The following MEI4 variants were observed in gnomAD, a reference collection of about 807,000 sequenced individuals.
The protein encoded by MEI4 is meiotic double-stranded break formation protein 4.
Under a neutral mutation model 31.4 loss-of-function variants are expected in MEI4, and 27 were observed. That is an observed-to-expected ratio of 0.86 (90% CI 0.63 to 1.19). The LOEUF (loss-of-function observed/expected upper bound fraction) is 1.19. Among genes scored for constraint, MEI4 ranks in the 50% most tolerant of loss-of-function variants. The pLI is 0.00. For synonymous variants in MEI4, 122 were observed against 145.4 expected, an observed-to-expected ratio of 0.84 and a Z score of 1.16; for missense variants, 329 against 398.9, an observed-to-expected ratio of 0.82 and a Z score of 1.49.
chr6:77,726,476 G>A (rs926118467), intron 2 of MEI4, among the ~76,000 whole-genome samples: 2 of 152,164 alleles, frequency 1.3e-5, no homozygotes, highest in Non-Finnish European at 1.5e-5. Context: ...AGAAGAGACA[G>A]CATGTGAACA....
At chr6:77,881,600 T>G (rs1771491701) in intron 4 of MEI4, among the ~76,000 whole-genome samples, 2 of 152,118 alleles carry the variant, frequency 1.3e-5, no homozygotes, top group Non-Finnish European at 1.5e-5. Flanking sequence ...AACACAGGGG[T>G]AGATCTATTT....
intron 4 of MEI4, among the ~76,000 whole-genome samples, chr6:77,899,697 G>A (rs1382317250): frequency 6.6e-6 from 1 of 152,210 alleles, no homozygotes; most frequent in East Asian, 1.9e-4. Context: ...AAGAGTATCA[G>A]CCATCACTTC....
intron 2 of MEI4, among the ~76,000 whole-genome samples, chr6:77,698,462 G>A (rs1486236300): frequency 3.9e-5 from 6 of 152,088 alleles, no homozygotes; most frequent in African/African-American, 1.2e-4. Flanking sequence ...GGGCAGGCCT[G>A]GTGGTGACAA....
At chr6:77,774,567 G>A (rs910107720) in intron 3 of MEI4, among the ~76,000 whole-genome samples, 3 of 151,996 alleles carry the variant, frequency 2.0e-5, no homozygotes, top group Admixed American at 2.0e-4. Flanking sequence ...AATGCAGGAA[G>A]TAGCTTTTAA....
intron 2 of MEI4, among the ~76,000 whole-genome samples, chr6:77,709,484 A>G (rs1430496124): frequency 1.3e-5 from 2 of 152,220 alleles, no homozygotes; most frequent in Non-Finnish European, 2.9e-5. Flanking sequence ...TATGTAAATT[A>G]TAATACATGT....
At chr6:77,657,135 A>C (rs1367610181) in intron 1 of MEI4, among the ~76,000 whole-genome samples, 1 of 152,210 alleles carries the variant, frequency 6.6e-6, no homozygotes, top group East Asian at 1.9e-4. Flanking sequence ...AGGCTACTGC[A>C]CGAGATCACT....
intron 2 of MEI4, among the ~76,000 whole-genome samples, chr6:77,704,215 C>T (rs1345781222): frequency 6.6e-6 from 1 of 152,138 alleles, no homozygotes; most frequent in Non-Finnish European, 1.5e-5. Context: ...AGGTTTTCTA[C>T]AAGCTATTCT....
At chr6:77,881,991 G>A (rs1771501180) in intron 4 of MEI4, among the ~76,000 whole-genome samples, 1 of 152,204 alleles carries the variant, frequency 6.6e-6, no homozygotes, top group Non-Finnish European at 1.5e-5. Context: ...TTACTGGTGA[G>A]ATTGCGCTCA....
chr6:77,734,412 G>A (rs977447765), intron 2 of MEI4, among the ~76,000 whole-genome samples: 1 of 151,940 alleles, frequency 6.6e-6, no homozygotes, highest in Admixed American at 6.6e-5. Context: ...TGTGTCTTTT[G>A]ATCTTTGTTG....
chr6:77,767,172 T>C (rs1561980945), intron 3 of MEI4, among the ~76,000 whole-genome samples: 1 of 151,262 alleles, frequency 6.6e-6, no homozygotes, highest in Non-Finnish European at 1.5e-5. Context: ...ATGAGGTCAA[T>C]AGATAGAGAC....
chr6:77,707,344 G>C (rs1766355586), intron 2 of MEI4, among the ~76,000 whole-genome samples: 1 of 152,186 alleles, frequency 6.6e-6, no homozygotes, highest in South Asian at 2.1e-4. Flanking sequence ...AAATTTCTAA[G>C]CAGTAATGTT....
At chr6:77,773,413 G>A (rs1343544272) in intron 3 of MEI4, among the ~76,000 whole-genome samples, 1 of 151,902 alleles carries the variant, frequency 6.6e-6, no homozygotes, top group Non-Finnish European at 1.5e-5. Flanking sequence ...TGACAAAGGT[G>A]GCAAGAACAT....
intron 3 of MEI4, among the ~76,000 whole-genome samples, chr6:77,816,355 G>A (rs1051074075): frequency 6.6e-6 from 1 of 152,088 alleles, no homozygotes; most frequent in Non-Finnish European, 1.5e-5. Context: ...TAATTTAATC[G>A]ATAGTACACG....
intron 2 of MEI4, among the ~76,000 whole-genome samples, chr6:77,692,657 G>C (rs1769179648): frequency 1.3e-5 from 2 of 151,996 alleles, no homozygotes; most frequent in Admixed American, 6.6e-5. Flanking sequence ...GAGTGGTTAA[G>C]GGACATAGCA....
At chr6:77,695,081 G>T (rs537348474) in intron 2 of MEI4, among the ~76,000 whole-genome samples, 4 of 151,944 alleles carry the variant, frequency 2.6e-5, no homozygotes, top group Non-Finnish European at 5.9e-5. Context: ...GTGTCTGTTC[G>T]TATCCTTCGC....
intron 2 of MEI4, among the ~76,000 whole-genome samples, chr6:77,757,432 C>CT (rs1471993208): frequency 6.6e-6 from 1 of 152,128 alleles, no homozygotes; most frequent in Non-Finnish European, 1.5e-5. Flanking sequence ...ATAAAGCAGC[C>CT]TGTAAGAAAG....
chr6:77,847,920 C>G lies in MEI4; in HGVS notation c.900+18858C>G, dbSNP rs879296006. 1.3e-5 allele frequency among the ~76,000 whole-genome samples: 2 copies of G among 152,058 alleles called. No homozygotes were observed. Among genetic ancestry groups the G allele is most frequent in the Non-Finnish European group, 2.9e-5 (2 of 68,014 alleles). ...CTTGTTTTCCAAGCTGTAATTCACTCAGAATTAGAAAGGAAAAAAGGAAAG... is the reference window on the plus strand; with the variant it reads ...CTTGTTTTCCAAGCTGTAATTCACTGAGAATTAGAAAGGAAAAAAGGAAAG... On this transcript the variant is annotated intron_variant, in intron 4 of 4. Coordinates refer to ENST00000684080, the MANE Select transcript of MEI4 (RefSeq NM_001322247.2). The surrounding 1 kb of genome is among the most constrained non-coding windows in gnomAD (Gnocchi z 4.6).
chr6:77,681,462 A>G (rs73762806), intron 1 of MEI4, among the ~76,000 whole-genome samples: 3,507 of 152,336 alleles, frequency 0.023, 137 homozygotes, highest in African/African-American at 0.079. Context: ...CCATGTTAAT[A>G]GTACATATCT....
chr6:77,760,063 T>G (rs1441331536), intron 2 of MEI4, among the ~76,000 whole-genome samples: 1 of 152,154 alleles, frequency 6.6e-6, no homozygotes, highest in Non-Finnish European at 1.5e-5. Flanking sequence ...TATGATGGCA[T>G]GTCTGTCAAA....
Sources: allele counts gnomAD v4.1 joint callset (sites outside exome capture counted in the v4.1 genomes callset), GRCh38; gene constraint gnomAD v4.1.1; non-coding constraint Gnocchi (gnomAD v3.1); transcripts MANE v1.5; gene names NCBI Gene and HGNC (gene_info 2026-07-23, HGNC 2026-07-21).